Variants in CTNNA3 observed in about 807,000 individuals in gnomAD.
CTNNA3 encodes the protein catenin alpha 3.
A neutral mutation model predicts 95.7 loss-of-function variants in CTNNA3; 76 were observed. The ratio of observed to expected loss-of-function variants is 0.79; its 90% CI spans 0.66 to 0.96. The LOEUF (loss-of-function observed/expected upper bound fraction) is 0.96. CTNNA3 is among the 40% of genes least tolerant of loss of function. The pLI is 0.00. For missense variants in CTNNA3, 1,191 were observed against 1,089.8 expected (o/e 1.09, Z -1.31); for synonymous variants, 431 against 374.4 (o/e 1.15, Z -1.74).
At chr10:67,378,207 A>G (rs1463591476) in intron 5 of CTNNA3, among the ~76,000 whole-genome samples, 1 of 152,172 alleles carries the variant, frequency 6.6e-6, no homozygotes, top group Non-Finnish European at 1.5e-5. Context: ...GGGACACTTA[A>G]TATAACAAAA....
At chr10:67,405,307 A>G (rs1845093957) in intron 5 of CTNNA3, among the ~76,000 whole-genome samples, 1 of 152,214 alleles carries the variant, frequency 6.6e-6, no homozygotes, top group African/African-American at 2.4e-5. Flanking sequence ...CCCATCTCAC[A>G]CGCAAAAACA....
chr10:65,930,155 G>A (rs1175096542), intron 17 of CTNNA3, among the ~76,000 whole-genome samples: 4 of 139,978 alleles, frequency 2.9e-5, no homozygotes, highest in Non-Finnish European at 4.5e-5. Context: ...AGGTCAGCTC[G>A]GTTAATCACA....
intron 11 of CTNNA3, among the ~76,000 whole-genome samples, chr10:66,388,792 A>T (rs184419489): frequency 4.6e-5 from 7 of 152,278 alleles, no homozygotes; most frequent in Admixed American, 3.3e-4. Flanking sequence ...TATAGCACAA[A>T]ATAATTAGAA....
At chr10:67,643,765 T>C (rs1246887024) in intron 2 of CTNNA3, among the ~76,000 whole-genome samples, 2 of 152,108 alleles carry the variant, frequency 1.3e-5, no homozygotes, top group Non-Finnish European at 2.9e-5. Context: ...CTTCCACTTA[T>C]GAGTGAGAAT....
rs368418784 is a variant in CTNNA3, at chr10:66,862,219, G to GA, written c.1048-86696dup. On this transcript the variant is annotated intron_variant, in intron 7 of 17. Coordinates refer to ENST00000433211, the MANE Select transcript of CTNNA3 (RefSeq NM_013266.4). ...ACAGAGCGAGACACTGTCTCAAAAA[G>GA]AAAAAAACAAAAAGAAGTTTGGTGA... Among the ~76,000 whole-genome samples, 926 of 151,724 alleles carry GA rather than the reference G, an allele frequency of 6.1e-3. 11 individuals are homozygous for GA. Among genetic ancestry groups the GA allele is most frequent in the African/African-American group, 0.021 (866 of 41,410 alleles).
chr10:66,915,668 T>G (rs1846450564), intron 7 of CTNNA3, among the ~76,000 whole-genome samples: 2 of 151,124 alleles, frequency 1.3e-5, no homozygotes, highest in East Asian at 3.9e-4. Flanking sequence ...CTGAAATGCC[T>G]GAGTGTTTGG....
chr10:66,526,466 C>T (rs985068924), intron 10 of CTNNA3, among the ~76,000 whole-genome samples: 8 of 152,124 alleles, frequency 5.3e-5, no homozygotes, highest in Non-Finnish European at 7.4e-5. Context: ...GGATTCCAGG[C>T]GTGAGCCACT....
At chr10:67,114,030 C>A (rs1859041042) in intron 7 of CTNNA3, among the ~76,000 whole-genome samples, 2 of 150,860 alleles carry the variant, frequency 1.3e-5, no homozygotes, top group Non-Finnish European at 2.9e-5. Context: ...CTTCAGTGAG[C>A]TATGATCACA....
At chr10:67,132,744 G>A (rs10762140) in intron 7 of CTNNA3, among the ~76,000 whole-genome samples, 99,168 of 151,932 alleles carry the variant, frequency 0.65, 33,830 homozygotes, top group African/African-American at 0.86. Flanking sequence ...CAGCCATAAA[G>A]GAAAATCATG....
At position 66,475,180 on chromosome 10, in the gene CTNNA3, T is replaced by C. The variant is rs148077564; in HGVS notation, c.1531+45437A>G. 2.9e-3 allele frequency among the ~76,000 whole-genome samples: 436 copies of C among 152,132 alleles called. 1 individual carries two copies. The highest frequency in any genetic ancestry group is 9.6e-3 in the African/African-American group (400 of 41,540). On this transcript the variant is annotated intron_variant, in intron 11 of 17. Coordinates refer to ENST00000433211, the MANE Select transcript of CTNNA3 (RefSeq NM_013266.4). ...AGGCATTTGGAAAAGTACAGTCTCT[T>C]CAATAAACAGCACTGGGAAAACTGG...
chr10:67,405,177 T>C (rs186417864), intron 5 of CTNNA3, among the ~76,000 whole-genome samples: 1 of 152,156 alleles, frequency 6.6e-6, no homozygotes, highest in Non-Finnish European at 1.5e-5. Context: ...CCAGCTAGCA[T>C]CATGATCACA....
At chr10:66,055,038 G>T (rs1373095352) in intron 15 of CTNNA3, among the ~76,000 whole-genome samples, 1 of 152,104 alleles carries the variant, frequency 6.6e-6, no homozygotes, top group Non-Finnish European at 1.5e-5. Context: ...CTATAAATGA[G>T]TGGGTTTATT....
intron 1 of CTNNA3, among the ~76,000 whole-genome samples, chr10:67,718,498 T>C (rs1841158527): frequency 6.6e-6 from 1 of 152,244 alleles, no homozygotes; most frequent in South Asian, 2.1e-4. Flanking sequence ...CCTAGTTTAC[T>C]GAAGGTTTTT....
chr10:66,317,931 T>G (rs1440726852), intron 12 of CTNNA3, among the ~76,000 whole-genome samples: 1 of 152,058 alleles, frequency 6.6e-6, no homozygotes, highest in Non-Finnish European at 1.5e-5. Context: ...TTTTATTTTA[T>G]AGAGTCGGAT....
chr10:66,092,130 T>G (rs946876561), intron 14 of CTNNA3, among the ~76,000 whole-genome samples: 2 of 151,840 alleles, frequency 1.3e-5, no homozygotes. Context: ...ATTCCCAATA[T>G]CCAATCTTTT....
chr10:66,473,785 G>C (rs1442125446), intron 11 of CTNNA3, among the ~76,000 whole-genome samples: 1 of 151,904 alleles, frequency 6.6e-6, no homozygotes, highest in African/African-American at 2.4e-5. Context: ...TTGTCCTTGT[G>C]ATAGTTTGCT....
intron 13 of CTNNA3, among the ~76,000 whole-genome samples, chr10:66,266,138 AG>A (rs2091148364): frequency 6.6e-6 from 1 of 151,312 alleles, no homozygotes; most frequent in Non-Finnish European, 1.5e-5. Flanking sequence ...GAAGGAAGGA[AG>A]GAAAGAAGGA....
rs185212046 is a variant in CTNNA3 at position 67,269,334 on chromosome 10, T to A, written c.580-49464A>T. On this transcript the variant is annotated intron_variant, in intron 5 of 17. Transcript: ENST00000433211. ...AAAGGATGAAAGCTATGTTTTATTT[T>A]ATATTAATAGATAATAATGAGAAAA... Among the ~76,000 whole-genome samples, 36 of 152,308 alleles carry A rather than the reference T, an allele frequency of 2.4e-4. No homozygotes were observed. The East Asian group carries it at 6.6e-3, about 28-fold the overall frequency.
rs554691529 is a variant in CTNNA3, at chr10:65,993,035, T to C, written c.2160-4238A>G. Among the ~76,000 whole-genome samples, 18 of 152,330 alleles carry C rather than the reference T, an allele frequency of 1.2e-4. No homozygotes were observed. The East Asian group carries it at 3.5e-3, about 29-fold the overall frequency. On this transcript the variant is annotated intron_variant, in intron 15 of 17. Coordinates refer to ENST00000433211, the MANE Select transcript of CTNNA3 (RefSeq NM_013266.4). ...AGGAGATTGTTGTTTAATTTCTACGTATTTGTACAGCTTCCAAAATTCCTC... is the reference window on the plus strand; with the variant it reads ...AGGAGATTGTTGTTTAATTTCTACGCATTTGTACAGCTTCCAAAATTCCTC...
Sources: gnomAD v4.1 joint callset for allele counts (sites outside exome capture counted in the v4.1 genomes callset) on GRCh38, gnomAD v4.1.1 for gene constraint, MANE v1.5 for transcripts, NCBI Gene and HGNC (gene_info 2026-07-23, HGNC 2026-07-21) for gene names.